FRMD4A: variants seen among roughly 807,000 people sequenced by gnomAD.
FRMD4A encodes the protein FERM domain-containing protein 4A.
FRMD4A carries 29 observed loss-of-function variants against 129.1 expected under a neutral mutation model. The ratio of observed to expected loss-of-function variants is 0.22; its 90% confidence interval spans 0.17 to 0.31. The LOEUF is 0.31. Ranked by LOEUF, FRMD4A falls within the 10% of genes least tolerant of loss-of-function variation. The pLI is 1.00. For missense variants in FRMD4A, 1,272 were observed against 1,375.8 expected, an observed-to-expected ratio of 0.92 and a Z score of 1.19; for synonymous variants, 634 against 571.6, an observed-to-expected ratio of 1.11 and a Z score of -1.56.
intron 2 of FRMD4A, among the ~76,000 whole-genome samples, chr10:14,129,405 TATAAA>T (rs1839118518): frequency 8.1e-6 from 1 of 123,974 alleles, no homozygotes; most frequent in Admixed American, 7.6e-5. Flanking sequence ...TATATATATA[TATAAA>T]AAATATGAGC....
intron 2 of FRMD4A, chr10:13,890,820 A>C: frequency 1.0e-6 from 1 of 985,348 alleles, no homozygotes; most frequent in South Asian, 4.7e-5. Flanking sequence ...ATCGTTCAGA[A>C]TGAGGATGTC....
intron 2 of FRMD4A, among the ~76,000 whole-genome samples, chr10:14,095,833 G>A (rs1333335112): frequency 6.6e-6 from 1 of 152,220 alleles, no homozygotes; most frequent in East Asian, 1.9e-4. Context: ...GAGGGTGGGA[G>A]TCCCTTTCCA....
chr10:14,180,876 T>C (rs1329062530), intron 2 of FRMD4A, among the ~76,000 whole-genome samples: 2 of 152,356 alleles, frequency 1.3e-5, no homozygotes, highest in Admixed American at 6.5e-5. Context: ...CCGGCACTTC[T>C]ATGTTATTGA....
At chr10:13,843,053 C>T (rs1393026353) in intron 3 of FRMD4A, among the ~76,000 whole-genome samples, 1 of 152,196 alleles carries the variant, frequency 6.6e-6, no homozygotes, top group Non-Finnish European at 1.5e-5. Context: ...ATCACGCTGC[C>T]TCTACCTGTG....
intron 2 of FRMD4A, among the ~76,000 whole-genome samples, chr10:14,076,818 G>A (rs1338661905): frequency 1.3e-5 from 2 of 152,022 alleles, no homozygotes; most frequent in Admixed American, 6.6e-5. Context: ...ATATTCCCTG[G>A]CCATTGAAAT....
intron 2 of FRMD4A, among the ~76,000 whole-genome samples, chr10:14,240,384 G>T (rs554133886): frequency 2.0e-5 from 3 of 152,118 alleles, no homozygotes; most frequent in African/African-American, 7.2e-5. Context: ...CATGTGTCAG[G>T]CTTCACCCTA....
chr10:13,668,238 A>C (rs2083222129), intron 17 of FRMD4A: 1 of 152,292 alleles, frequency 6.6e-6, no homozygotes, highest in African/African-American at 2.4e-5. Flanking sequence ...GAAGAATATC[A>C]ACATGGACTC....
intron 2 of FRMD4A, among the ~76,000 whole-genome samples, chr10:14,081,186 T>G (rs1421906553): frequency 6.6e-6 from 1 of 152,182 alleles, no homozygotes; most frequent in East Asian, 1.9e-4. Flanking sequence ...AGTTTTGGTC[T>G]GTACTGAGTG....
At chr10:13,880,496 C>T (rs1208767327) in intron 2 of FRMD4A, among the ~76,000 whole-genome samples, 1 of 152,192 alleles carries the variant, frequency 6.6e-6, no homozygotes, top group East Asian at 1.9e-4. Flanking sequence ...GGCACCCAAA[C>T]CATTTCTGCA....
rs544953396 is a variant in FRMD4A, at chr10:13,869,293, G to T, written c.46-10381C>A. On this transcript the variant is annotated intron_variant, in intron 2 of 24. Coordinates refer to ENST00000357447, the MANE Select transcript of FRMD4A (RefSeq NM_018027.5). ...GTGGACCCAGGCAGGTAAGAGGCTG[G>T]TACAACAGGAAGCTCTCCTGAGGGC... Among the ~76,000 whole-genome samples the T allele has an allele frequency of 2.0e-5, 3 of 152,318 alleles. No individual in the cohort carries two copies. The East Asian group carries it at 5.8e-4, about 29-fold the overall frequency.
At chr10:14,188,042 C>CA (rs1842202472) in intron 2 of FRMD4A, among the ~76,000 whole-genome samples, 3 of 152,192 alleles carry the variant, frequency 2.0e-5, no homozygotes, top group African/African-American at 7.2e-5. Flanking sequence ...ACACTTAAAA[C>CA]TCTAACCTCC....
intron 2 of FRMD4A, among the ~76,000 whole-genome samples, chr10:14,049,054 T>C (rs1317363686): frequency 6.6e-6 from 1 of 152,150 alleles, no homozygotes. Context: ...CTCCAGAGGC[T>C]TGGAGAATCA....
intron 3 of FRMD4A, among the ~76,000 whole-genome samples, chr10:13,854,584 C>T: frequency 7.8e-6 from 1 of 127,504 alleles, no homozygotes; most frequent in Non-Finnish European, 1.7e-5. Context: ...CCACACCGAG[C>T]TATTTTTTTT....
chr10:13,750,407 G>A (rs2091557138), intron 8 of FRMD4A, among the ~76,000 whole-genome samples: 1 of 146,582 alleles, frequency 6.8e-6, no homozygotes, highest in African/African-American at 2.8e-5. Flanking sequence ...TAACCAGAAG[G>A]TGCCCACGAT....
rs559832668 is a variant in FRMD4A, at chr10:13,803,405, C to T, written c.207-6817G>A. Reference sequence around the variant, plus strand: ...GGAGTGCAATGGTGCAGTCATAGCTCGCTGCAGCCTTGAACCCCTGGGCTC... The same window carrying T: ...GGAGTGCAATGGTGCAGTCATAGCTTGCTGCAGCCTTGAACCCCTGGGCTC... On this transcript the variant is annotated intron_variant, in intron 4 of 24. Transcript: ENST00000357447. Among the ~76,000 whole-genome samples the T allele has an allele frequency of 2.2e-4, 33 of 152,270 alleles. No individual in the cohort carries two copies. The South Asian group carries it at 3.5e-3, about 16-fold the overall frequency.
At chr10:14,039,456 A>T (rs1367135020) in intron 2 of FRMD4A, among the ~76,000 whole-genome samples, 1 of 21,338 alleles carries the variant, frequency 4.7e-5, no homozygotes, top group Non-Finnish European at 9.7e-5. Flanking sequence ...AAATCAATCA[A>T]TCTATCTATC....
At chr10:13,649,230 A>C (rs1420855282) in intron 24 of FRMD4A, 1 of 152,258 alleles carries the variant, frequency 6.6e-6, no homozygotes, top group Non-Finnish European at 1.5e-5. Flanking sequence ...CTAAAAGTGC[A>C]CTATGTATTG....
At chr10:13,931,725 G>A (rs1341219195) in intron 2 of FRMD4A, among the ~76,000 whole-genome samples, 1 of 148,914 alleles carries the variant, frequency 6.7e-6, no homozygotes, top group African/African-American at 2.5e-5. Flanking sequence ...ATCACCTGAA[G>A]TCAGGAGTTT....
At chr10:13,834,180 C>T (rs1297304718) in intron 3 of FRMD4A, among the ~76,000 whole-genome samples, 1 of 152,110 alleles carries the variant, frequency 6.6e-6, no homozygotes, top group Non-Finnish European at 1.5e-5. Context: ...AGGAGAATCG[C>T]TTGAACTTGG....
Sources: gnomAD v4.1 joint callset for allele counts (sites outside exome capture counted in the v4.1 genomes callset) on GRCh38, gnomAD v4.1.1 for gene constraint, MANE v1.5 for transcripts, NCBI Gene and HGNC (gene_info 2026-07-23, HGNC 2026-07-21) for gene names.